KIAA0825: variants seen among roughly 807,000 people sequenced by gnomAD.
KIAA0825 encodes the protein uncharacterized protein KIAA0825.
In KIAA0825, 119 loss-of-function variants were observed where a neutral mutation model predicts 147.6. The ratio of observed to expected loss-of-function variants is 0.81; its 90% CI spans 0.69 to 0.94. KIAA0825 has a LOEUF of 0.94. Ranked by LOEUF, KIAA0825 falls within the 40% of genes least tolerant of loss-of-function variation. The pLI is 0.00. For synonymous variants in KIAA0825, 470 were observed against 518.1 expected (o/e 0.91, Z 1.26); for missense variants, 1,381 against 1,472.7 (o/e 0.94, Z 1.02).
intron 14 of KIAA0825, among the ~76,000 whole-genome samples, chr5:94,419,721 G>T (rs1206986978): frequency 6.6e-6 from 1 of 152,138 alleles, no homozygotes; most frequent in Non-Finnish European, 1.5e-5. Context: ...GCAAATATGT[G>T]TATATTTTGT....
intron 2 of KIAA0825, among the ~76,000 whole-genome samples, chr5:94,541,539 TA>T (rs370281902): frequency 1.3e-5 from 2 of 152,138 alleles, no homozygotes; most frequent in South Asian, 2.1e-4. Flanking sequence ...ATTAATCTTG[TA>T]AAAAAAATTC....
chr5:94,173,124 C>T (rs1451899608), intron 20 of KIAA0825, among the ~76,000 whole-genome samples: 4 of 152,040 alleles, frequency 2.6e-5, no homozygotes, highest in East Asian at 1.9e-4. Context: ...ATTAGCGACA[C>T]TTCTATATCA....
At chr5:94,605,799 AG>A (rs1787385125) in intron 1 of KIAA0825, among the ~76,000 whole-genome samples, 1 of 152,360 alleles carries the variant, frequency 6.6e-6, no homozygotes, top group South Asian at 2.1e-4. Context: ...ACAAACCCAC[AG>A]CCTACATTAT....
At chr5:94,209,175 ACT>A (rs1772476198) in intron 20 of KIAA0825, among the ~76,000 whole-genome samples, 1 of 152,100 alleles carries the variant, frequency 6.6e-6, no homozygotes, top group Non-Finnish European at 1.5e-5. Flanking sequence ...AGTTTCAGTA[ACT>A]CTGACTGTTT....
chr5:94,573,161 C>T (rs1229442155), intron 2 of KIAA0825, among the ~76,000 whole-genome samples: 1 of 151,586 alleles, frequency 6.6e-6, no homozygotes, highest in Non-Finnish European at 1.5e-5. Context: ...GGTAAATTTA[C>T]ACATTTTCTG....
At position 94,370,888 on chromosome 5, in the gene KIAA0825, C is replaced by T. The variant is rs552805040; in HGVS notation, c.3710+13480G>A. ...TCATGCCACTGCACTCCAGCTTGGGCGACAGAGGGAGACTCTGTCTCAAAA... is the reference window on the plus strand; with the variant it reads ...TCATGCCACTGCACTCCAGCTTGGGTGACAGAGGGAGACTCTGTCTCAAAA... On this transcript the variant is annotated intron_variant, in intron 20 of 20. Transcript: ENST00000682413. Among the ~76,000 whole-genome samples the T allele has an allele frequency of 1.1e-4, 16 of 151,804 alleles. No individual in the cohort carries two copies. The East Asian group carries it at 1.6e-3, about 15-fold the overall frequency.
chr5:94,247,806 C>T (rs1282565816), intron 20 of KIAA0825, among the ~76,000 whole-genome samples: 1 of 152,074 alleles, frequency 6.6e-6, no homozygotes, highest in African/African-American at 2.4e-5. Context: ...AAGTCAAACA[C>T]ACTCTTCTAT....
intron 14 of KIAA0825, among the ~76,000 whole-genome samples, chr5:94,436,779 T>G (rs940145808): frequency 6.6e-6 from 1 of 152,220 alleles, no homozygotes; most frequent in Non-Finnish European, 1.5e-5. Context: ...CATTTGTTTG[T>G]GTCATATCTG....
intron 20 of KIAA0825, among the ~76,000 whole-genome samples, chr5:94,331,489 C>A (rs981637727): frequency 1.3e-5 from 2 of 152,058 alleles, no homozygotes. Flanking sequence ...TTATTCCAAG[C>A]GTCTAAGTAG....
chr5:94,600,116 T>C (rs1476334128), intron 1 of KIAA0825, among the ~76,000 whole-genome samples: 2 of 152,178 alleles, frequency 1.3e-5, no homozygotes, highest in Non-Finnish European at 2.9e-5. Context: ...CCACATGAGA[T>C]ATCAGCTGGG....
At chr5:94,495,430 C>G (rs1764242983) in intron 5 of KIAA0825, among the ~76,000 whole-genome samples, 1 of 152,184 alleles carries the variant, frequency 6.6e-6, no homozygotes, top group South Asian at 2.1e-4. Context: ...GGCCTATGAT[C>G]TACAAAAAGC....
chr5:94,206,976 A>G (rs990336901), intron 20 of KIAA0825, among the ~76,000 whole-genome samples: 4 of 152,194 alleles, frequency 2.6e-5, no homozygotes, highest in Admixed American at 2.0e-4. Context: ...GGTGGAAAGC[A>G]TATTTCCAAA....
chr5:94,260,941 T>C (rs985984346), intron 20 of KIAA0825, among the ~76,000 whole-genome samples: 1 of 152,172 alleles, frequency 6.6e-6, no homozygotes, highest in African/African-American at 2.4e-5. Flanking sequence ...TTAATCATGG[T>C]CCATTTTTCT....
intron 20 of KIAA0825, among the ~76,000 whole-genome samples, chr5:94,234,094 C>T (rs1448952942): frequency 3.9e-5 from 6 of 152,022 alleles, no homozygotes; most frequent in Non-Finnish European, 4.4e-5. Flanking sequence ...GGGCCGGGCG[C>T]GGTGGCTCAC....
At chr5:94,551,650 A>G (rs575837274) in intron 2 of KIAA0825, among the ~76,000 whole-genome samples, 81 of 152,230 alleles carry the variant, frequency 5.3e-4, no homozygotes, top group Middle Eastern at 3.4e-3. Context: ...AGTCTTTCCC[A>G]GGCAAGCAAT....
intron 20 of KIAA0825, among the ~76,000 whole-genome samples, chr5:94,281,466 A>G (rs565543658): frequency 6.6e-6 from 1 of 152,274 alleles, no homozygotes; most frequent in South Asian, 2.1e-4. Flanking sequence ...GCACCAATGC[A>G]GTCTGAATCT....
At chr5:94,359,285 T>A (rs955866577) in intron 20 of KIAA0825, among the ~76,000 whole-genome samples, 3 of 152,216 alleles carry the variant, frequency 2.0e-5, no homozygotes, top group Non-Finnish European at 4.4e-5. Context: ...CCCAAATTAT[T>A]CTAATGTTCA....
chr5:94,453,163 T>C (rs1758631483), intron 12 of KIAA0825, 94 bp from the exon 13 acceptor site: 2 of 693,728 alleles, frequency 2.9e-6, no homozygotes, highest in Non-Finnish European at 2.4e-6. Context: ...ATTCAGTTAA[T>C]GATTTTTTTT....
At chr5:94,462,046 T>A (rs544369155) in intron 12 of KIAA0825, among the ~76,000 whole-genome samples, 1 of 152,020 alleles carries the variant, frequency 6.6e-6, no homozygotes, top group South Asian at 2.1e-4. Flanking sequence ...TCACAGAGTA[T>A]CAAAAAATCA....
Sources: gnomAD v4.1 joint callset for allele counts (sites outside exome capture counted in the v4.1 genomes callset) on GRCh38, gnomAD v4.1.1 for gene constraint, MANE v1.5 for transcripts, NCBI Gene and HGNC (gene_info 2026-07-23, HGNC 2026-07-21) for gene names.